The following ATG16L1 variants were observed in gnomAD, a reference collection of about 807,000 sequenced individuals.
The protein encoded by ATG16L1 is autophagy-related protein 16-1.
A neutral mutation model predicts 88.5 loss-of-function variants in ATG16L1; 37 were observed. The ratio of observed to expected loss-of-function variants is 0.42; its 90% confidence interval spans 0.32 to 0.55. ATG16L1 has a LOEUF of 0.55. Ranked by LOEUF, ATG16L1 falls within the 20% of genes least tolerant of loss-of-function variation. The probability of loss-of-function intolerance (pLI) is 0.13; values close to 1 mark genes in which losing one functional copy is unlikely to be tolerated. For missense variants in ATG16L1, 554 were observed against 752.8 expected (o/e 0.74, Z 3.09); for synonymous variants, 301 against 281.0 (o/e 1.07, Z -0.71).
At position 233,282,723 on chromosome 2, in the gene ATG16L1, A is replaced by C. The variant is rs576463872; in HGVS notation, c.1173A>C (p.Arg391=). Residue 391 remains arginine (R), a synonymous_variant, in exon 12 of 18, where the codon CGA becomes CGC. Coordinates refer to ENST00000392017, the MANE Select transcript of ATG16L1 (RefSeq NM_030803.7). Reference sequence around the variant, plus strand: ...CAGCTTCAAATGATTTTGCAAGCCGAATCTGGACTGTGGATGATTATCGAT... The same window carrying C: ...CAGCTTCAAATGATTTTGCAAGCCGCATCTGGACTGTGGATGATTATCGAT... ...LLAASNDFAS[R]IWTVDDYRLR... The C allele has an allele frequency of 6.2e-7, 1 of 1,614,178 alleles. No homozygotes were observed. The highest frequency in any genetic ancestry group is 1.3e-5 in the African/African-American group (1 of 75,054).
chr2:233,252,233 C>G (rs1435570140), intron 1 of ATG16L1, among the ~76,000 whole-genome samples: 1 of 152,202 alleles, frequency 6.6e-6, no homozygotes, highest in African/African-American at 2.4e-5. Flanking sequence ...TTAAATAGGT[C>G]CCAGAAACAT....
intron 10 of ATG16L1, among the ~76,000 whole-genome samples, chr2:233,279,587 A>G (rs1011372075): frequency 3.3e-5 from 5 of 152,252 alleles, no homozygotes; most frequent in African/African-American, 1.2e-4. Context: ...GGAAGAGGCC[A>G]AGTTCAAGAG....
At position 233,251,855 on chromosome 2, in the gene ATG16L1, T is replaced by C. The variant is rs1362593101; in HGVS notation, c.28T>C (p.Phe10Leu). 3 of 1,550,174 alleles carry C rather than the reference T, an allele frequency of 1.9e-6. No homozygotes were observed. Among genetic ancestry groups the C allele is most frequent in the Non-Finnish European group, 2.6e-6 (3 of 1,147,046 alleles). Residue 10 changes from phenylalanine (F) to leucine (L), a missense_variant, in exon 1 of 18, where the codon TTC becomes CTC. Transcript: ENST00000392017. The stretch of plus-strand genomic sequence containing the variant: ...GTCGTCGGGCCTCCGCGCCGCTGAC[T>C]TCCCCCGCTGGAAGCGCCACATCTC... MSSGLRAAD[F>L]PRWKRHISEQ...
At chr2:233,293,414 A>C in intron 17 of ATG16L1, 57 bp downstream of exon 17, 1 of 1,474,888 alleles carries the variant, frequency 6.8e-7, no homozygotes, top group Non-Finnish European at 9.5e-7. Context: ...CTTTGACTTC[A>C]TCTCAGGGGT....
At chr2:233,273,469 A>G in intron 7 of ATG16L1, 1 of 543,472 alleles carries the variant, frequency 1.8e-6, no homozygotes, top group Non-Finnish European at 3.2e-6. Flanking sequence ...TTAGTTGTCT[A>G]ATGCTTTATT....
At chr2:233,266,459 GAAAC>G (rs753354495) in intron 5 of ATG16L1, among the ~76,000 whole-genome samples, 2 of 151,968 alleles carry the variant, frequency 1.3e-5, no homozygotes, top group South Asian at 2.1e-4. Context: ...ACCCCATCCA[GAAAC>G]AAACAAAAAA....
chr2:233,256,979 G>A (rs1696829095), intron 2 of ATG16L1, among the ~76,000 whole-genome samples: 1 of 152,020 alleles, frequency 6.6e-6, no homozygotes, highest in African/African-American at 2.4e-5. Context: ...TGGGATTACA[G>A]GCGTGAGCCA....
chr2:233,276,774 G>A (rs1054724505), intron 9 of ATG16L1, among the ~76,000 whole-genome samples: 5 of 152,192 alleles, frequency 3.3e-5, no homozygotes, highest in Admixed American at 6.5e-5. Flanking sequence ...ACTGCACCCA[G>A]CCAGGATGCT....
chr2:233,255,576 C>A (rs1459482770), intron 1 of ATG16L1, among the ~76,000 whole-genome samples: 1 of 152,142 alleles, frequency 6.6e-6, no homozygotes, highest in East Asian at 1.9e-4. Flanking sequence ...TGGCTCCAAC[C>A]TTTATTTCCA....
At chr2:233,291,477 G>A (rs561523055) in intron 14 of ATG16L1, among the ~76,000 whole-genome samples, 1 of 152,146 alleles carries the variant, frequency 6.6e-6, no homozygotes. Context: ...TAAGGTGGGA[G>A]GTAGGAAAAG....
intron 6 of ATG16L1, among the ~76,000 whole-genome samples, chr2:233,272,262 C>T (rs1254562865): frequency 6.6e-6 from 1 of 152,192 alleles, no homozygotes; most frequent in Non-Finnish European, 1.5e-5. Context: ...TACTTTGCAT[C>T]CGCTGGGATA....
rs564198438 is a variant in ATG16L1, at chr2:233,286,964, G to A, written c.1204-2890G>A. 2.0e-3 allele frequency among the ~76,000 whole-genome samples: 309 copies of A among 152,166 alleles called. 2 individuals carry two copies. The highest frequency in any genetic ancestry group is 2.8e-3 in the Non-Finnish European group (192 of 68,008). ...TAAAGAGCAAGGTGACAATACGTAC[G>A]AGGAGCCAAGAAACAAAACGTCCCT... On this transcript the variant is annotated intron_variant, in intron 12 of 17. Transcript: ENST00000392017.
In ATG16L1 at chr2:233,264,081, G is replaced by A. The variant is rs201983942; in HGVS notation, c.389+16G>A. 29 of 1,613,460 alleles carry A rather than the reference G, an allele frequency of 1.8e-5. No individual in the cohort carries two copies. The East Asian group carries it at 4.7e-4, about 26-fold the overall frequency. ...ATGAAGCAAAGTGAGTAGAGACCCC[G>A]CCTCCTTGGAGCCTGGTCATTGGGT... On this transcript the variant is annotated intron_variant, in intron 4 of 17. Coordinates refer to ENST00000392017, the MANE Select transcript of ATG16L1 (RefSeq NM_030803.7).
intron 10 of ATG16L1, among the ~76,000 whole-genome samples, chr2:233,280,616 T>C (rs1273656923): frequency 1.3e-5 from 2 of 152,348 alleles, no homozygotes; most frequent in East Asian, 3.9e-4. Context: ...TAACACAATT[T>C]CTTTTCACAC....
At chr2:233,255,938 C>T (rs900462953) in intron 1 of ATG16L1, among the ~76,000 whole-genome samples, 164 bp from the exon 2 acceptor site, 1 of 152,184 alleles carries the variant, frequency 6.6e-6, no homozygotes, top group African/African-American at 2.4e-5. Context: ...ATTTTCAGCT[C>T]CCTTTAATAG....
At position 233,294,298 on chromosome 2, in the gene ATG16L1, A is replaced by T. The variant is rs201538133; in HGVS notation, c.1772A>T (p.His591Leu). The T allele has an allele frequency of 6.6e-5, 106 of 1,613,014 alleles. No homozygotes were observed. In the East Asian group the frequency reaches 2.3e-3, roughly 35 times the overall value. ...NAVAWSPSGS[H>L]VVSVDKGCKA... ...GTGGCGTGGTCGCCCTCTGGCTCGC[A>T]CGTTGTCAGTGTGGACAAAGGATGC... Residue 591 changes from histidine to leucine, a missense_variant, in exon 18 of 18, where the codon CAC becomes CTC. By Grantham distance (99) the His-to-Leu change is moderately conservative (BLOSUM62 -3). Transcript: ENST00000392017.
intron 10 of ATG16L1, among the ~76,000 whole-genome samples, chr2:233,279,618 G>A (rs1661726840): frequency 6.6e-6 from 1 of 152,076 alleles, no homozygotes. Context: ...AAATAGTTTG[G>A]GGGTCCTGTT....
chr2:233,294,638 C>G lies in ATG16L1; in HGVS notation c.*288C>G, dbSNP rs1202471110. On this transcript the variant is annotated 3_prime_UTR_variant, in exon 18 of 18. Coordinates refer to ENST00000392017, the MANE Select transcript of ATG16L1 (RefSeq NM_030803.7). ...ACTAGCTCTGACCTTCCATACCTCACTTGGGGGAGCACAGGGCCCCGCTGG... is the reference window on the plus strand; with the variant it reads ...ACTAGCTCTGACCTTCCATACCTCAGTTGGGGGAGCACAGGGCCCCGCTGG... 2 of 252,268 alleles carry G rather than the reference C, an allele frequency of 7.9e-6. No homozygotes were observed. The highest frequency in any genetic ancestry group is 7.6e-6 in the Non-Finnish European group (1 of 130,994). 15.6% of individuals were successfully genotyped at this position (252,268 alleles called of 1,614,324 possible).
intron 10 of ATG16L1, among the ~76,000 whole-genome samples, chr2:233,278,416 G>A (rs1266082593): frequency 6.6e-6 from 1 of 152,230 alleles, no homozygotes; most frequent in African/African-American, 2.4e-5. Context: ...CCAAGTGTCT[G>A]TAGCTGCGAC....
Sources: gnomAD v4.1 joint callset for allele counts (sites outside exome capture counted in the v4.1 genomes callset) on GRCh38, gnomAD v4.1.1 for gene constraint, MANE v1.5 for transcripts, NCBI Gene and HGNC (gene_info 2026-07-23, HGNC 2026-07-21) for gene names.